SMG6: variants seen among roughly 807,000 people sequenced by gnomAD.
SMG6 encodes the protein telomerase-binding protein EST1A.
Under a neutral mutation model 142.2 loss-of-function variants are expected in SMG6, and 66 were observed. The observed-to-expected ratio is 0.46, with a 90% CI of 0.38 to 0.57. The LOEUF is 0.57. Among genes scored for constraint, SMG6 ranks in the 20% least tolerant of loss-of-function variants. The probability of loss-of-function intolerance (pLI) is 0.00; values close to 1 mark genes in which losing one functional copy is unlikely to be tolerated. For missense variants in SMG6, 1,793 were observed against 1,832.0 expected, an observed-to-expected ratio of 0.98 and a Z score of 0.39; for synonymous variants, 779 against 702.4, an observed-to-expected ratio of 1.11 and a Z score of -1.72.
At chr17:2,111,497 G>A (rs1031693609) in intron 13 of SMG6, among the ~76,000 whole-genome samples, 15 of 152,012 alleles carry the variant, frequency 9.9e-5, no homozygotes, top group African/African-American at 3.4e-4. Flanking sequence ...CTGCAGCCTC[G>A]ACCTCCTGGG....
At chr17:2,112,535 ATAAATAAAT>A (rs1483580213) in intron 13 of SMG6, among the ~76,000 whole-genome samples, 71 of 137,098 alleles carry the variant, frequency 5.2e-4, no homozygotes, top group Middle Eastern at 7.5e-3. Flanking sequence ...AAATAAATAA[ATAAATAAAT>A]AAATAAATAA....
In SMG6 at chr17:2,061,361, G is replaced by A; in HGVS notation, c.*131C>T. The A allele has an allele frequency of 1.1e-6, 1 of 904,866 alleles. No individual in the cohort carries two copies. The highest frequency in any genetic ancestry group is 1.7e-6 in the Non-Finnish European group (1 of 605,090). 56.1% of individuals were successfully genotyped at this position (904,866 alleles called of 1,614,324 possible). On this transcript the variant is annotated 3_prime_UTR_variant, in exon 19 of 19. Transcript: ENST00000263073. ...TCCCCCACAGCATGGCCGTGGCGTG[G>A]GTTGGAAGAGGATGGTTTATTGTCT...
In SMG6 at chr17:2,244,876, G is replaced by A. The variant is rs533480468; in HGVS notation, c.2662-157C>T. On this transcript the variant is annotated intron_variant, in intron 8 of 18. Transcript: ENST00000263073. ...ACATGCCCAAACTCTCACAGACCCA[G>A]GGCACATGCCCAACAGCTGCCGCTC... The A allele has an allele frequency of 4.0e-5, 25 of 629,948 alleles. No homozygotes were observed. The South Asian group carries it at 4.5e-4, about 11-fold the overall frequency. 39.0% of individuals were successfully genotyped at this position (629,948 alleles called of 1,614,324 possible).
chr17:2,171,356 AGTGTGT>A (rs10601842), intron 13 of SMG6, among the ~76,000 whole-genome samples: 1,520 of 149,484 alleles, frequency 0.01, 25 homozygotes, highest in African/African-American at 0.033. Flanking sequence ...AAAATGAAAG[AGTGTGT>A]GTGTGTGTGT....
intron 12 of SMG6, among the ~76,000 whole-genome samples, chr17:2,183,073 A>G (rs1408059090): frequency 6.6e-6 from 1 of 152,096 alleles, no homozygotes; most frequent in Non-Finnish European, 1.5e-5. Flanking sequence ...AAAAAATACA[A>G]AAAGTTAGCC....
chr17:2,263,085 G>C (rs187444004), intron 8 of SMG6, among the ~76,000 whole-genome samples: 2 of 152,272 alleles, frequency 1.3e-5, no homozygotes, highest in Admixed American at 6.5e-5. Context: ...CAAACAGTAA[G>C]GTCACGACCG....
At chr17:2,108,928 G>C (rs1249313432) in intron 13 of SMG6, among the ~76,000 whole-genome samples, 1 of 152,052 alleles carries the variant, frequency 6.6e-6, no homozygotes, top group South Asian at 2.1e-4. Flanking sequence ...CTGGGCGACA[G>C]AGCAAAAAAA....
rs371368590 is a variant in SMG6, at chr17:2,281,588, T to G, written c.2661+1059A>C. ...ACTTGGAACTACCGCAGCACCCTCCTTGTCTCCTATTTCTAGTCTTACTCT... is the reference window on the plus strand; with the variant it reads ...ACTTGGAACTACCGCAGCACCCTCCGTGTCTCCTATTTCTAGTCTTACTCT... On this transcript the variant is annotated intron_variant, in intron 8 of 18. Coordinates refer to ENST00000263073, the MANE Select transcript of SMG6 (RefSeq NM_017575.5). Among the ~76,000 whole-genome samples, 106 of 152,236 alleles carry G rather than the reference T, an allele frequency of 7.0e-4. 1 individual carries two copies. In the South Asian group the frequency reaches 0.021, roughly 30 times the overall value.
intron 13 of SMG6, among the ~76,000 whole-genome samples, chr17:2,152,992 C>G (rs969763529): frequency 1.3e-5 from 2 of 152,008 alleles, no homozygotes; most frequent in African/African-American, 2.4e-5. Context: ...TACTACTCTG[C>G]AACAAAAAAG....
chr17:2,152,439 C>T (rs1489005542), intron 13 of SMG6, among the ~76,000 whole-genome samples: 1 of 152,204 alleles, frequency 6.6e-6, no homozygotes, highest in Non-Finnish European at 1.5e-5. Flanking sequence ...GAGAAAATAT[C>T]TGCAATGCAT....
Position 2,085,901 on chromosome 17 carries a change from C to A in SMG6, c.3358G>T (p.Val1120Phe), listed in dbSNP as rs1330699438. ...ACCCTTTTGCAGTCAGCTGCAATAA[C>A]CTACAGGGTGAGAGGGAGAGAAGAA... Reference protein sequence around the residue: ...PCYVEKTSDKVIAADCKRVTV... With the variant: ...PCYVEKTSDKFIAADCKRVTV... Residue 1120 changes from valine to phenylalanine, a missense_variant and splice_region_variant, in exon 14 of 19, where the codon GTT becomes TTT. Physicochemically the swap from Val to Phe is conservative, Grantham distance 50. Around this residue, in one of 3 missense-constraint regions of SMG6, gnomAD observed 1,597 missense variants for 1,584.6 expected, o/e 1.01. Transcript: ENST00000263073. The surrounding 1 kb of genome is among the most constrained non-coding windows in gnomAD (Gnocchi z 4.1). 1 of 1,613,906 alleles carries A rather than the reference C, an allele frequency of 6.2e-7. No homozygotes were observed.
chr17:2,228,987 A>C (rs1482548908), intron 10 of SMG6, among the ~76,000 whole-genome samples: 3 of 152,166 alleles, frequency 2.0e-5, no homozygotes, highest in African/African-American at 7.2e-5. Flanking sequence ...GTCTCTCCTA[A>C]GAAAAGCATG....
At chr17:2,172,265 A>G (rs1336419532) in intron 13 of SMG6, among the ~76,000 whole-genome samples, 3 of 152,050 alleles carry the variant, frequency 2.0e-5, no homozygotes, top group African/African-American at 7.3e-5. Flanking sequence ...AGAGAAGGGA[A>G]AAAGCCCTGG....
chr17:2,281,253 G>A (rs1483436502), intron 8 of SMG6, among the ~76,000 whole-genome samples: 1 of 152,066 alleles, frequency 6.6e-6, no homozygotes, highest in Non-Finnish European at 1.5e-5. Context: ...AGACTCCTGA[G>A]TAGCTAGAAC....
chr17:2,074,334 TG>T (rs1417489464), intron 15 of SMG6, among the ~76,000 whole-genome samples: 2 of 151,994 alleles, frequency 1.3e-5, no homozygotes, highest in Non-Finnish European at 2.9e-5. Context: ...ATAGGAACAG[TG>T]GGTGAGATAA....
At chr17:2,295,550 C>T (rs1421453921) in intron 4 of SMG6, among the ~76,000 whole-genome samples, 1 of 152,172 alleles carries the variant, frequency 6.6e-6, no homozygotes, top group Non-Finnish European at 1.5e-5. Flanking sequence ...ATAAGTTCAT[C>T]CAATCCAACG....
At chr17:2,075,907 C>T (rs531780955) in intron 15 of SMG6, among the ~76,000 whole-genome samples, 1 of 152,352 alleles carries the variant, frequency 6.6e-6, no homozygotes, top group African/African-American at 2.4e-5. Context: ...GAGAGCTCCC[C>T]ACACCCCTTT....
chr17:2,163,376 T>C (rs535482585), intron 13 of SMG6, among the ~76,000 whole-genome samples: 2 of 150,180 alleles, frequency 1.3e-5, no homozygotes, highest in South Asian at 4.2e-4. Flanking sequence ...TTAGTAGAGA[T>C]GCTGTGTTTC....
At chr17:2,261,568 C>T (rs568629598) in intron 8 of SMG6, among the ~76,000 whole-genome samples, 1 of 152,248 alleles carries the variant, frequency 6.6e-6, no homozygotes, top group South Asian at 2.1e-4. Context: ...TGTCCTAATC[C>T]CCACCATTAT....
Sources: gnomAD v4.1 joint callset for allele counts (sites outside exome capture counted in the v4.1 genomes callset) on GRCh38, gnomAD v4.1.1 for gene constraint, gnomAD v4.1.1 regional missense constraint, Gnocchi (gnomAD v3.1) non-coding constraint, MANE v1.5 for transcripts, NCBI Gene and HGNC (gene_info 2026-07-23, HGNC 2026-07-21) for gene names.